Variants in TUBA1C observed in about 807,000 individuals in gnomAD.
TUBA1C encodes the protein tubulin alpha-1C chain.
In TUBA1C, 16 loss-of-function variants were observed where a neutral mutation model predicts 34.9. That is an observed-to-expected ratio of 0.46 (90% CI 0.31 to 0.70). TUBA1C has a LOEUF of 0.70. Among genes scored for constraint, TUBA1C ranks in the 30% least tolerant of loss-of-function variants. The pLI, the probability that TUBA1C is intolerant of heterozygous loss-of-function variation, is 0.05. For synonymous variants in TUBA1C, 177 were observed against 215.9 expected, an observed-to-expected ratio of 0.82 and a Z score of 1.58; for missense variants, 329 against 587.3, an observed-to-expected ratio of 0.56 and a Z score of 4.55.
chr12:49,236,957 T>A (rs899249378), intron 1 of TUBA1C, among the ~76,000 whole-genome samples: 1 of 152,228 alleles, frequency 6.6e-6, no homozygotes. Flanking sequence ...AAAGCATGAC[T>A]GTATAGTCAA....
At chr12:49,264,379 A>G (rs1307496134), upstream of TUBA1C, among the ~76,000 whole-genome samples, 3 of 152,202 alleles carry the variant, frequency 2.0e-5, no homozygotes, top group Non-Finnish European at 2.9e-5. Flanking sequence ...AAAGCAACCA[A>G]AAAGGTGGGA....
chr12:49,235,984 C>A (rs1292235471), intron 1 of TUBA1C, among the ~76,000 whole-genome samples: 2 of 152,190 alleles, frequency 1.3e-5, no homozygotes, highest in African/African-American at 4.8e-5. Context: ...GGACAGAAAT[C>A]ACAATGTGCT....
chr12:49,257,660 C>G (rs1942798393), intron 1 of TUBA1C, among the ~76,000 whole-genome samples: 1 of 151,660 alleles, frequency 6.6e-6, no homozygotes, highest in Non-Finnish European at 1.5e-5. Flanking sequence ...CACACGGTAA[C>G]CTCAGCTATT....
At chr12:49,240,035 G>GACACACAC (rs5798100) in intron 1 of TUBA1C, among the ~76,000 whole-genome samples, 106 of 138,782 alleles carry the variant, frequency 7.6e-4, no homozygotes, top group African/African-American at 2.5e-3. Flanking sequence ...TCAGAGCACA[G>GACACACAC]ACACACACAC....
In TUBA1C at chr12:49,272,796, C is replaced by A; in HGVS notation, c.919C>A (p.Pro307Thr). The change falls in exon 4 of 4, where the codon CCT becomes ACT. Residue 307 changes from proline to threonine, a missense_variant. Transcript: ENST00000301072. ...EPANQMVKCDPRHGKYMACCL... is the reference protein window; with the variant it reads ...EPANQMVKCDTRHGKYMACCL... ...AGCCAACCAGATGGTGAAATGTGAC[C>A]CTCGCCATGGTAAATACATGGCTTG... 6.2e-7 allele frequency: 1 copy of A among 1,613,978 alleles called. No individual in the cohort carries two copies. The highest frequency in any genetic ancestry group is 1.3e-5 in the African/African-American group (1 of 74,970).
intron 1 of TUBA1C, among the ~76,000 whole-genome samples, chr12:49,243,043 A>C (rs1942633201): frequency 6.6e-6 from 1 of 152,176 alleles, no homozygotes; most frequent in African/African-American, 2.4e-5. Context: ...TCTAGGCTCA[A>C]GTAATCTGCC....
At chr12:49,255,626 TC>T in intron 1 of TUBA1C, among the ~76,000 whole-genome samples, 1 of 152,042 alleles carries the variant, frequency 6.6e-6, no homozygotes, top group Admixed American at 6.6e-5. Flanking sequence ...TGGCGCAATC[TC>T]AGCTCACTGC....
chr12:49,248,285 A>G (rs1177980848), intron 1 of TUBA1C, among the ~76,000 whole-genome samples: 1 of 151,690 alleles, frequency 6.6e-6, no homozygotes, highest in African/African-American at 2.4e-5. Flanking sequence ...AAAGTAAAAA[A>G]AAAGAAAAAG....
At chr12:49,257,492 C>T (rs1011947777) in intron 1 of TUBA1C, among the ~76,000 whole-genome samples, 4 of 151,454 alleles carry the variant, frequency 2.6e-5, no homozygotes, top group Admixed American at 1.3e-4. Context: ...TTTAATTTTA[C>T]GTTTGCAGGC....
intron 1 of TUBA1C, among the ~76,000 whole-genome samples, chr12:49,265,445 A>G (rs1185942834): frequency 6.6e-6 from 1 of 152,354 alleles, no homozygotes; most frequent in East Asian, 1.9e-4. Flanking sequence ...CTTTCCCCGC[A>G]GGGCCCGCTA....
At chr12:49,232,400 G>C (rs1253673680) in intron 1 of TUBA1C, among the ~76,000 whole-genome samples, 3 of 152,104 alleles carry the variant, frequency 2.0e-5, no homozygotes, top group African/African-American at 7.2e-5. Context: ...GGACATAAAA[G>C]GGCACTTCAG....
intron 3 of TUBA1C, among the ~76,000 whole-genome samples, chr12:49,271,863 A>AT (rs1251255760): frequency 6.6e-6 from 1 of 152,198 alleles, no homozygotes; most frequent in Non-Finnish European, 1.5e-5. Flanking sequence ...AGGCCTTGTG[A>AT]TTCCTCTGCC....
intron 1 of TUBA1C, among the ~76,000 whole-genome samples, chr12:49,230,077 T>C (rs1206171641): frequency 6.7e-6 from 1 of 150,354 alleles, no homozygotes; most frequent in Non-Finnish European, 1.5e-5. Context: ...TAAGTCAACA[T>C]CCTGGCCTTT....
intron 1 of TUBA1C, among the ~76,000 whole-genome samples, chr12:49,234,630 G>C (rs1222808717): frequency 1.3e-5 from 2 of 152,144 alleles, no homozygotes; most frequent in East Asian, 1.9e-4. Flanking sequence ...CCAGGCCGCA[G>C]CCGCCGCCCC....
intron 1 of TUBA1C, among the ~76,000 whole-genome samples, chr12:49,240,366 T>G (rs1440136131): frequency 3.3e-5 from 5 of 151,750 alleles, no homozygotes; most frequent in African/African-American, 1.2e-4. Context: ...GAGTTAAGTG[T>G]GTCCCTCACA....
intron 1 of TUBA1C, among the ~76,000 whole-genome samples, chr12:49,243,311 C>T (rs113255317): frequency 6.6e-6 from 1 of 151,976 alleles, no homozygotes; most frequent in Non-Finnish European, 1.5e-5. Context: ...GCTGGTGGCG[C>T]GCGCCTGGAG....
intron 1 of TUBA1C, among the ~76,000 whole-genome samples, chr12:49,235,058 C>T (rs1255382808): frequency 6.6e-6 from 1 of 151,144 alleles, no homozygotes; most frequent in South Asian, 2.1e-4. Flanking sequence ...CCTCGTGATC[C>T]GCCCGCCTCG....
At chr12:49,266,710 G>T (rs951964990) in intron 1 of TUBA1C, among the ~76,000 whole-genome samples, 3 of 152,026 alleles carry the variant, frequency 2.0e-5, no homozygotes, top group African/African-American at 7.2e-5. Context: ...TTATCTGGGC[G>T]TCGTGGTGCG....
chr12:49,265,067 G>C, upstream of TUBA1C: 1 of 1,374,196 alleles, frequency 7.3e-7, no homozygotes, highest in Admixed American at 2.4e-5. Context: ...GCCCTTCGGG[G>C]CCGGCCACCC....
Sources: gnomAD v4.1 joint callset for allele counts (sites outside exome capture counted in the v4.1 genomes callset) on GRCh38, gnomAD v4.1.1 for gene constraint, MANE v1.5 for transcripts, NCBI Gene and HGNC (gene_info 2026-07-23, HGNC 2026-07-21) for gene names.